The following FRMD8 variants were observed in gnomAD, a reference collection of about 807,000 sequenced individuals.
FRMD8 encodes FERM domain containing 8, also known as FERM domain-containing protein 8.
In FRMD8, 37 loss-of-function variants were observed where a neutral mutation model predicts 54.2. The observed-to-expected ratio is 0.68, with a 90% CI of 0.53 to 0.90. The LOEUF is 0.90. FRMD8 is among the 40% of genes least tolerant of loss of function. The probability of loss-of-function intolerance (pLI) is 0.00; values close to 1 mark genes in which losing one functional copy is unlikely to be tolerated. For synonymous variants in FRMD8, 246 were observed against 286.9 expected, an observed-to-expected ratio of 0.86 and a Z score of 1.44; for missense variants, 585 against 653.7, an observed-to-expected ratio of 0.89 and a Z score of 1.15.
the FRMD8 span, among the ~76,000 whole-genome samples, chr11:65,373,338 C>T: frequency 5.3e-5 from 8 of 152,196 alleles, no homozygotes; most frequent in South Asian, 6.2e-4. Flanking sequence ...TTGTGTTTTC[C>T]ATAGGAGGAG....
At chr11:65,379,186 T>G in the FRMD8 span, 1 of 635,404 alleles carries the variant, frequency 1.6e-6, no homozygotes, top group East Asian at 2.9e-5. Flanking sequence ...GTCTCTGCCT[T>G]TTGCCCCCTC....
At chr11:65,399,139 A>T (rs940833991) in intron 7 of FRMD8, among the ~76,000 whole-genome samples, 33 of 151,806 alleles carry the variant, frequency 2.2e-4, no homozygotes, top group Non-Finnish European at 1.6e-4. Context: ...CTGGGATTAC[A>T]GGTGCCCACC....
chr11:65,409,550 T>G (rs1002975663), intron 10 of FRMD8, among the ~76,000 whole-genome samples: 1 of 152,066 alleles, frequency 6.6e-6, no homozygotes, highest in Non-Finnish European at 1.5e-5. Flanking sequence ...GGCAGGCAGA[T>G]TGCTTGAGTC....
chr11:65,397,879 T>C (rs1311099088), intron 7 of FRMD8, among the ~76,000 whole-genome samples: 9 of 144,740 alleles, frequency 6.2e-5, no homozygotes, highest in African/African-American at 1.6e-4. Flanking sequence ...TTCTTTCTTT[T>C]TTTTTTTTTT....
At chr11:65,409,179 G>A (rs1203738286) in intron 10 of FRMD8, among the ~76,000 whole-genome samples, 1 of 151,890 alleles carries the variant, frequency 6.6e-6, no homozygotes, top group Non-Finnish European at 1.5e-5. Flanking sequence ...TCTGCCTCCC[G>A]GGTTCAAGTG....
chr11:65,384,374 C>T (rs1013126358), upstream of FRMD8, among the ~76,000 whole-genome samples: 10 of 152,176 alleles, frequency 6.6e-5, no homozygotes, highest in Admixed American at 6.5e-4. Context: ...CCACCATCAG[C>T]CTCCCGGACT....
chr11:65,399,666 T>C (rs935773367), intron 7 of FRMD8, 70 bp from the exon 8 acceptor site: 26 of 1,575,624 alleles, frequency 1.7e-5, no homozygotes, highest in African/African-American at 1.1e-4. Flanking sequence ...AGAGCCCAGG[T>C]TGGGGCCTCG....
In FRMD8 at chr11:65,399,872, G is replaced by C. The variant is rs1056492719; in HGVS notation, c.927+13G>C. On this transcript the variant is annotated intron_variant, in intron 8 of 10. Transcript: ENST00000317568. ...TAGCAGAGAGAAGGTACTGCCCCCA[G>C]CTCCTCCAGGGTGGAGAGGATGGGA... 1 of 1,608,226 alleles carries C rather than the reference G, an allele frequency of 6.2e-7. No homozygotes were observed. The highest frequency in any genetic ancestry group is 1.7e-5 in the Admixed American group (1 of 59,530).
intron 10 of FRMD8, among the ~76,000 whole-genome samples, chr11:65,410,769 G>A (rs1262386352): frequency 2.0e-5 from 3 of 152,018 alleles, no homozygotes; most frequent in Non-Finnish European, 4.4e-5. Flanking sequence ...CAGCCTGGGC[G>A]ACAGAGCGAG....
At position 65,409,908 on chromosome 11, in the gene FRMD8, GTC is replaced by G. The variant is rs1347785590; in HGVS notation, c.1277-1330_1277-1329del. On this transcript the variant is annotated intron_variant, in intron 10 of 10. Coordinates refer to ENST00000317568, the MANE Select transcript of FRMD8 (RefSeq NM_031904.5). ...AGCCTGGGCAATCGAGCAAGACCCT[GTC>G]TCTACACAAACTAAAAAAACCTTAG... is the stretch of plus-strand genomic sequence containing the variant. Among the ~76,000 whole-genome samples the G allele has an allele frequency of 2.6e-5, 4 of 152,034 alleles. No homozygotes were observed. In the East Asian group the frequency reaches 7.7e-4, roughly 29 times the overall value.
At position 65,399,862 on chromosome 11, in the gene FRMD8, A is replaced by T. The variant is rs1195229354; in HGVS notation, c.927+3A>T. ...ACGTCATCGATAGCAGAGAGAAGGT[A>T]CTGCCCCCAGCTCCTCCAGGGTGGA... is the stretch of plus-strand genomic sequence containing the variant. On this transcript the variant is annotated splice_donor_region_variant and intron_variant, in intron 8 of 10. Transcript: ENST00000317568. 1 of 1,611,462 alleles carries T rather than the reference A, an allele frequency of 6.2e-7. No individual in the cohort carries two copies.
intron 2 of FRMD8, 31 bp downstream of exon 2, chr11:65,387,152 C>A (rs1304222161): frequency 1.3e-6 from 2 of 1,561,770 alleles, no homozygotes; most frequent in South Asian, 1.1e-5. Context: ...CTCTTCCACA[C>A]CCTCCTGGGA....
chr11:65,379,229 G>GC, the FRMD8 span: 4 of 884,276 alleles, frequency 4.5e-6, no homozygotes, highest in Non-Finnish European at 6.8e-6. Flanking sequence ...GAGGCCTGCA[G>GC]CCTGGAAGGC....
At chr11:65,380,716 G>A in the FRMD8 span, 1 of 728,426 alleles carries the variant, frequency 1.4e-6, no homozygotes, top group Non-Finnish European at 2.0e-6. Flanking sequence ...GCCCTCCACA[G>A]CAGAGGCTGG....
the FRMD8 span, among the ~76,000 whole-genome samples, chr11:65,368,231 G>A: frequency 3.3e-5 from 5 of 151,502 alleles, no homozygotes; most frequent in East Asian, 1.9e-4. Context: ...ATGCACCACC[G>A]TACCTGGCTA....
At position 65,404,908 on chromosome 11, in the gene FRMD8, C is replaced by G; in HGVS notation, c.1116C>G (p.Ser372Arg). Residue 372 changes from serine to arginine, a missense_variant, in exon 10 of 11, where the codon AGC becomes AGG. Transcript: ENST00000317568. The surrounding 1 kb of genome is among the most constrained non-coding windows in gnomAD (Gnocchi z 4.7). ...TCATTGAGTACTGCATCGAACTGAG[C>G]CAGGCGGCGGAGCCCGCAGGCCCCC... ...SSLIEYCIEL[S>R]QAAEPAGPQD... 1 of 1,613,260 alleles carries G rather than the reference C, an allele frequency of 6.2e-7. No homozygotes were observed. The highest frequency in any genetic ancestry group is 8.5e-7 in the Non-Finnish European group (1 of 1,180,016).
Position 65,387,065 on chromosome 11 carries a change from A to C in FRMD8, c.29A>C (p.Gln10Pro). The part of the protein sequence containing the change: MDGTEGSAG[Q>P]PGPAERSHRS... ...GACGGGACAGAAGGCAGTGCCGGGC[A>C]GCCCGGCCCCGCTGAGCGATCCCAC... Residue 10 changes from glutamine (Q) to proline (P), a missense_variant, in exon 2 of 11, where the codon CAG becomes CCG. Physicochemically the swap from Gln to Pro is moderately conservative, Grantham distance 76. Coordinates refer to ENST00000317568, the MANE Select transcript of FRMD8 (RefSeq NM_031904.5). The C allele has an allele frequency of 6.2e-7, 1 of 1,609,360 alleles. No homozygotes were observed. Among genetic ancestry groups the C allele is most frequent in the Non-Finnish European group, 8.5e-7 (1 of 1,180,000 alleles).
At chr11:65,376,491 C>A in the FRMD8 span, 7 of 1,614,032 alleles carry the variant, frequency 4.3e-6, no homozygotes, top group Admixed American at 3.3e-5. Flanking sequence ...TGATGGTGAC[C>A]CCCCGGAAGA....
intron 7 of FRMD8, among the ~76,000 whole-genome samples, chr11:65,398,686 AG>A (rs1856006463): frequency 6.6e-6 from 1 of 152,210 alleles, no homozygotes; most frequent in African/African-American, 2.4e-5. Flanking sequence ...AGTGGTTTTG[AG>A]GGGGAGGTGA....
Sources: gnomAD v4.1 joint callset for allele counts (sites outside exome capture counted in the v4.1 genomes callset) on GRCh38, gnomAD v4.1.1 for gene constraint, Gnocchi (gnomAD v3.1) non-coding constraint, MANE v1.5 for transcripts, NCBI Gene and HGNC (gene_info 2026-07-23, HGNC 2026-07-21) for gene names.